Variants in SNX16 observed in about 807,000 individuals in gnomAD.
SNX16 encodes the protein sorting nexin-16.
SNX16 carries 35 observed loss-of-function variants against 36.7 expected under a neutral mutation model. The ratio of observed to expected loss-of-function variants is 0.95; its 90% CI spans 0.73 to 1.27. The LOEUF is 1.27. Ranked by LOEUF, SNX16 falls within the 50% of genes most tolerant of loss-of-function variation. The probability of loss-of-function intolerance (pLI) is 0.00; values close to 1 mark genes in which losing one functional copy is unlikely to be tolerated. For synonymous variants in SNX16, 134 were observed against 132.0 expected, an observed-to-expected ratio of 1.02 and a Z score of -0.10; for missense variants, 367 against 393.6, an observed-to-expected ratio of 0.93 and a Z score of 0.57.
chr8:81,801,726 G>T (rs1183980907), intron 7 of SNX16, 133 bp from the exon 8 acceptor site: 16 of 496,848 alleles, frequency 3.2e-5, no homozygotes, highest in African/African-American at 2.8e-4. Flanking sequence ...AGTATTTAAT[G>T]TAAGAGTATT....
rs1280681294 is a variant in SNX16, at chr8:81,838,730, C to T, written c.375+882G>A. Among the ~76,000 whole-genome samples, 6 of 151,736 alleles carry T rather than the reference C, an allele frequency of 4.0e-5. No homozygotes were observed. In the South Asian group the frequency reaches 8.3e-4, roughly 21 times the overall value. On this transcript the variant is annotated intron_variant, in intron 2 of 7. Transcript: ENST00000345957. The stretch of plus-strand genomic sequence containing the variant: ...GTAGCCTTGGAGTAGGCAAAGATTT[C>T]AAAAAGTGCTAGCCATTAAAAAAAG...
Position 81,801,924 on chromosome 8 carries a change from T to C in SNX16, c.939-331A>G, listed in dbSNP as rs148728701. Among the ~76,000 whole-genome samples, 7 of 151,808 alleles carry C rather than the reference T, an allele frequency of 4.6e-5. No homozygotes were observed. The East Asian group carries it at 1.4e-3, about 29-fold the overall frequency. Reference sequence around the variant, plus strand: ...CCATTACCACTAAACTATTAACAATTACCTTGGATTTGTATGCAATAAAAA... The same window carrying C: ...CCATTACCACTAAACTATTAACAATCACCTTGGATTTGTATGCAATAAAAA... On this transcript the variant is annotated intron_variant, in intron 7 of 7. Coordinates refer to ENST00000345957, the MANE Select transcript of SNX16 (RefSeq NM_152836.3).
At chr8:81,809,296 A>C (rs1364499881) in intron 5 of SNX16, among the ~76,000 whole-genome samples, 3 of 152,218 alleles carry the variant, frequency 2.0e-5, no homozygotes, top group Non-Finnish European at 4.4e-5. Context: ...AAAATCATGG[A>C]ATTATTGGTT....
intron 4 of SNX16, 73 bp downstream of exon 4, chr8:81,823,719 C>A: frequency 7.5e-7 from 1 of 1,334,442 alleles, no homozygotes; most frequent in South Asian, 1.5e-5. Flanking sequence ...TAACTATGAT[C>A]ATAGATTTAT....
intron 5 of SNX16, among the ~76,000 whole-genome samples, chr8:81,812,479 T>A (rs559102423): frequency 6.6e-6 from 1 of 152,126 alleles, no homozygotes; most frequent in East Asian, 1.9e-4. Context: ...ATTTTTTTTT[T>A]ATCAGAAATA....
Position 81,829,425 on chromosome 8 carries a change from C to T in SNX16, c.462+5G>A. On this transcript the variant is annotated splice_donor_5th_base_variant and intron_variant, in intron 3 of 7. Transcript: ENST00000345957. ...ATGTTAGTTTGGATTTATTATAGTA[C>T]TTACTTTGTCATTAAGCCTAGAGAA... 7.7e-7 allele frequency: 1 copy of T among 1,301,012 alleles called. No individual in the cohort carries two copies. Among genetic ancestry groups the T allele is most frequent in the Non-Finnish European group, 1.0e-6 (1 of 978,218 alleles). The allele number at this position is 1,301,012 out of a possible 1,614,324, so 80.6% of individuals were successfully genotyped here.
At chr8:81,841,664 G>A (rs959471488) in intron 1 of SNX16, 1 of 152,346 alleles carries the variant, frequency 6.6e-6, no homozygotes, top group Non-Finnish European at 1.5e-5. Flanking sequence ...ACAAAAAAAC[G>A]TGCTGTGCTC....
rs1027536348 is a variant in SNX16 at position 81,815,457 on chromosome 8, CAA to C, written c.612-65_612-64del. On this transcript the variant is annotated intron_variant, in intron 4 of 7. Coordinates refer to ENST00000345957, the MANE Select transcript of SNX16 (RefSeq NM_152836.3). The stretch of plus-strand genomic sequence containing the variant: ...TAAGTTTGCAAAAGATAGCAAAAAG[CAA>C]AAGTTACTTTGAAGCTGTACAGTGT... 6.7e-5 allele frequency: 94 copies of C among 1,406,344 alleles called. No individual in the cohort carries two copies. The African/African-American group carries it at 1.2e-3, about 18-fold the overall frequency. The allele number at this position is 1,406,344 out of a possible 1,614,324, so 87.1% of individuals were successfully genotyped here.
intron 2 of SNX16, among the ~76,000 whole-genome samples, chr8:81,830,811 A>C (rs1020175239): frequency 6.6e-6 from 1 of 152,198 alleles, no homozygotes; most frequent in African/African-American, 2.4e-5. Flanking sequence ...TAGCCAAAGC[A>C]ATCCTAAGTG....
Position 81,839,894 on chromosome 8 carries a change from G to T in SNX16, c.93C>A (p.Gly31=). The change falls in exon 2 of 8, where the codon GGC becomes GGA. Residue 31 remains glycine, a synonymous_variant. Transcript: ENST00000345957. The part of the protein sequence containing the change: ...TNRNQRSSSF[G]SVSTSSNSSK... ...AAGAATTTGAGCTTGTTGAGACACT[G>T]CCAAAAGAAGAACTTCTTTGATTTC... 1 of 1,613,954 alleles carries T rather than the reference G, an allele frequency of 6.2e-7. No individual in the cohort carries two copies. The highest frequency in any genetic ancestry group is 8.5e-7 in the Non-Finnish European group (1 of 1,179,894).
intron 7 of SNX16, among the ~76,000 whole-genome samples, 196 bp downstream of exon 7, chr8:81,802,184 A>C (rs1809730942): frequency 6.6e-6 from 1 of 151,706 alleles, no homozygotes; most frequent in Admixed American, 6.6e-5. Context: ...TGTCAAAGAC[A>C]CTTTTTATTT....
intron 2 of SNX16, among the ~76,000 whole-genome samples, chr8:81,832,096 A>C (rs1811296328): frequency 6.6e-6 from 1 of 152,226 alleles, no homozygotes; most frequent in African/African-American, 2.4e-5. Context: ...TGTTCTACCA[A>C]AAAGACATAT....
chr8:81,810,010 C>T (rs1810159839), intron 5 of SNX16, among the ~76,000 whole-genome samples: 1 of 152,086 alleles, frequency 6.6e-6, no homozygotes. Flanking sequence ...GGAAAATCTG[C>T]TAGCAAGTGA....
At chr8:81,818,911 T>A (rs921664570) in intron 4 of SNX16, among the ~76,000 whole-genome samples, 3 of 152,074 alleles carry the variant, frequency 2.0e-5, no homozygotes, top group Admixed American at 6.6e-5. Context: ...ATCTTTCAAA[T>A]CTTTCAAGTA....
chr8:81,813,342 C>T (rs62514325), intron 5 of SNX16, among the ~76,000 whole-genome samples: 13,634 of 151,566 alleles, frequency 0.09, 822 homozygotes, highest in South Asian at 0.15. Context: ...TGATTTCTGA[C>T]AGAAGTGTCA....
chr8:81,833,464 T>C (rs565056952), intron 2 of SNX16, among the ~76,000 whole-genome samples: 2 of 152,142 alleles, frequency 1.3e-5, no homozygotes, highest in African/African-American at 4.8e-5. Context: ...TCGGATACTC[T>C]TTAAAGTCAG....
chr8:81,813,277 G>GT (rs1185009676), intron 5 of SNX16, among the ~76,000 whole-genome samples: 2 of 151,908 alleles, frequency 1.3e-5, no homozygotes, highest in Non-Finnish European at 2.9e-5. Context: ...CAGGAAAATA[G>GT]ATCAACAGAC....
chr8:81,839,827 G>T lies in SNX16; in HGVS notation c.160C>A (p.Gln54Lys). ...TCCATTTGATCAGGAACACTTGTCT[G>T]TTTAAAATTACCCATATTTGAGTCT... ...LEDSNMGNFK[Q>K]TSVPDQMDNT... The change falls in exon 2 of 8, where the codon CAG becomes AAG. Residue 54 changes from glutamine to lysine, a missense_variant. Coordinates refer to ENST00000345957, the MANE Select transcript of SNX16 (RefSeq NM_152836.3). 4 of 1,613,722 alleles carry T rather than the reference G, an allele frequency of 2.5e-6. No individual in the cohort carries two copies. Among genetic ancestry groups the T allele is most frequent in the Non-Finnish European group, 3.4e-6 (4 of 1,179,664 alleles).
At chr8:81,804,933 G>T (rs1375500460) in intron 5 of SNX16, among the ~76,000 whole-genome samples, 2 of 151,822 alleles carry the variant, frequency 1.3e-5, no homozygotes, top group Non-Finnish European at 2.9e-5. Context: ...ACACCATAAG[G>T]GGTAAATTTG....
Sources: allele counts gnomAD v4.1 joint callset (sites outside exome capture counted in the v4.1 genomes callset), GRCh38; gene constraint gnomAD v4.1.1; transcripts MANE v1.5; gene names NCBI Gene and HGNC (gene_info 2026-07-23, HGNC 2026-07-21).